TTLL5: variants seen among roughly 807,000 people sequenced by gnomAD.
TTLL5 encodes the protein tubulin tyrosine ligase like 5, also known as tubulin polyglutamylase TTLL5.
In TTLL5, 132 loss-of-function variants were observed where a neutral mutation model predicts 168.4. That is an observed-to-expected ratio of 0.78 (90% CI 0.68 to 0.91). The LOEUF (loss-of-function observed/expected upper bound fraction) is 0.91, where lower values mean the gene tolerates loss of function less well. Among genes scored for constraint, TTLL5 ranks in the 40% least tolerant of loss-of-function variants. TTLL5 has a pLI of 0.00. For missense variants in TTLL5, 1,545 were observed against 1,581.5 expected (o/e 0.98, Z 0.39); for synonymous variants, 546 against 558.6 (o/e 0.98, Z 0.32).
At chr14:75,904,492 G>A (rs2033063901) in intron 31 of TTLL5, among the ~76,000 whole-genome samples, 1 of 152,142 alleles carries the variant, frequency 6.6e-6, no homozygotes. Flanking sequence ...ATGCACTCCA[G>A]CTGAGCCAGT....
rs1472790900 is a variant in TTLL5 at position 75,679,073 on chromosome 14, T to TCTA, written c.182-2471_182-2470insTAC. On this transcript the variant is annotated intron_variant, in intron 3 of 31. Coordinates refer to ENST00000298832, the MANE Select transcript of TTLL5 (RefSeq NM_015072.5). Reference sequence around the variant, plus strand: ...TCTTGTGTGGTAGGCAGAATAATGGTCCCTTAAAGATGTCTACCTTCTAAT... The same window carrying TCTA: ...TCTTGTGTGGTAGGCAGAATAATGGTCTACCCTTAAAGATGTCTACCTTCTAAT... Among the ~76,000 whole-genome samples the TCTA allele has an allele frequency of 2.0e-5, 3 of 152,204 alleles. No individual in the cohort carries two copies. The East Asian group carries it at 5.8e-4, about 29-fold the overall frequency.
Position 75,733,998 on chromosome 14 carries a change from T to C in TTLL5, c.1134T>C (p.Pro378=), listed in dbSNP as rs778185382. 1 of 1,614,062 alleles carries C rather than the reference T, an allele frequency of 6.2e-7. No individual in the cohort carries two copies. The highest frequency in any genetic ancestry group is 8.5e-7 in the Non-Finnish European group (1 of 1,179,928). Reference sequence around the variant, plus strand: ...TTCTCTGTTCTGTTAGTGATGCGCCTCTGGACCTAAAGATTAAAGCCAGTA... The same window carrying C: ...TTCTCTGTTCTGTTAGTGATGCGCCCCTGGACCTAAAGATTAAAGCCAGTA... ...NLSPSLACDA[P]LDLKIKASMI... is the part of the protein sequence containing the mutation. The change falls in exon 14 of 32, where the codon CCT becomes CCC. Residue 378 remains proline, a synonymous_variant. Transcript: ENST00000298832.
intron 31 of TTLL5, chr14:75,902,685 G>A (rs1028170416): frequency 8.8e-6 from 4 of 452,594 alleles, no homozygotes; most frequent in African/African-American, 8.0e-5. Context: ...TCTACGTGTT[G>A]TGCTAATGCC....
At chr14:75,774,846 G>A (rs1566598711) in intron 21 of TTLL5, among the ~76,000 whole-genome samples, 1 of 151,888 alleles carries the variant, frequency 6.6e-6, no homozygotes, top group African/African-American at 2.4e-5. Flanking sequence ...GTGCCACCAC[G>A]TCAGGCTAAT....
At position 75,686,864 on chromosome 14, in the gene TTLL5, A is replaced by G. The variant is rs551885556; in HGVS notation, c.371+3208A>G. Among the ~76,000 whole-genome samples the G allele has an allele frequency of 9.2e-5, 14 of 152,268 alleles. No homozygotes were observed. In the South Asian group the frequency reaches 2.7e-3, roughly 29 times the overall value. ...TGAGTAATCCAGATGATTTTATGCTATTAGAGAATCATGATTCCATTAAAG... is the reference window on the plus strand; with the variant it reads ...TGAGTAATCCAGATGATTTTATGCTGTTAGAGAATCATGATTCCATTAAAG... On this transcript the variant is annotated intron_variant, in intron 5 of 31. Transcript: ENST00000298832.
chr14:75,820,157 A>T lies in TTLL5; in HGVS notation c.3322A>T (p.Ser1108Cys), dbSNP rs912495117. ...CGAGAATCACTCCAGCTCTCCTGGA[A>T]GCAGGTATGTGAAGGGCCCTGCAAC... is the stretch of plus-strand genomic sequence containing the variant. ...APENHSSSPGSRSLQTGGFAW... is the reference protein window; with the variant it reads ...APENHSSSPGCRSLQTGGFAW... Residue 1108 changes from serine (S) to cysteine (C), a missense_variant, in exon 28 of 32, where the codon AGC (serine) becomes TGC (cysteine). Transcript: ENST00000298832. The T allele has an allele frequency of 1.3e-6, 2 of 1,587,024 alleles. No individual in the cohort carries two copies. The highest frequency in any genetic ancestry group is 1.7e-6 in the Non-Finnish European group (2 of 1,168,592).
rs3138589 is a variant in TTLL5, at chr14:75,869,013, A to AGTGTGTGTGTGTGTGT, written c.3522+5186_3522+5201dup. Among the ~76,000 whole-genome samples the AGTGTGTGTGTGTGTGT allele has an allele frequency of 3.6e-3, 442 of 124,494 alleles. 7 individuals are homozygous for AGTGTGTGTGTGTGTGT. The highest frequency in any genetic ancestry group is 0.011 in the African/African-American group (362 of 32,716). 81.7% of individuals were successfully genotyped at this position (124,494 alleles called of 152,430 possible). A position where few individuals can be genotyped will look rare whatever the true frequency, so the allele number is the denominator to read the frequency against. ...TGGACTGGGGACATGAGAGGGGAGG[A>AGTGTGTGTGTGTGTGT]GTGTGTGTGTGTGTGTGTGTGTGTG... On this transcript the variant is annotated intron_variant, in intron 29 of 31. Coordinates refer to ENST00000298832, the MANE Select transcript of TTLL5 (RefSeq NM_015072.5).
intron 31 of TTLL5, among the ~76,000 whole-genome samples, chr14:75,923,692 A>G (rs1330973657): frequency 6.6e-6 from 1 of 152,178 alleles, no homozygotes; most frequent in Non-Finnish European, 1.5e-5. Context: ...TTCTGTTGAT[A>G]TGGGATGGAG....
intron 31 of TTLL5, 114 bp from the exon 32 acceptor site, chr14:75,954,310 G>T: frequency 9.6e-7 from 1 of 1,046,332 alleles, no homozygotes; most frequent in South Asian, 1.4e-5. Flanking sequence ...TCATTTATTT[G>T]GGCCACCACT....
chr14:75,939,439 G>T (rs936359130), intron 31 of TTLL5, among the ~76,000 whole-genome samples: 2 of 152,182 alleles, frequency 1.3e-5, no homozygotes, highest in Non-Finnish European at 2.9e-5. Flanking sequence ...AGGCTGGAGT[G>T]CAGTGGCATG....
chr14:75,852,965 T>G (rs1286448984), intron 28 of TTLL5, among the ~76,000 whole-genome samples: 1 of 152,256 alleles, frequency 6.6e-6, no homozygotes, highest in Non-Finnish European at 1.5e-5. Context: ...GCAATTCAGC[T>G]TTTCTTTTTT....
intron 5 of TTLL5, among the ~76,000 whole-genome samples, chr14:75,687,737 A>T (rs1413422014): frequency 6.6e-6 from 1 of 152,226 alleles, no homozygotes; most frequent in Non-Finnish European, 1.5e-5. Context: ...AACCATAAGG[A>T]AACAAACAAC....
At chr14:75,949,514 T>A (rs1484034129) in intron 31 of TTLL5, among the ~76,000 whole-genome samples, 1 of 150,116 alleles carries the variant, frequency 6.7e-6, no homozygotes, top group Non-Finnish European at 1.5e-5. Context: ...CAAGAGATGC[T>A]TTAAGAAATT....
At chr14:75,939,714 A>C (rs543291475) in intron 31 of TTLL5, among the ~76,000 whole-genome samples, 2 of 152,226 alleles carry the variant, frequency 1.3e-5, no homozygotes, top group Admixed American at 1.3e-4. Context: ...CACCTTCTTT[A>C]GGTAACTGAA....
intron 12 of TTLL5, among the ~76,000 whole-genome samples, chr14:75,724,230 C>A (rs2140213888): frequency 6.6e-6 from 1 of 152,266 alleles, no homozygotes; most frequent in East Asian, 1.9e-4. Flanking sequence ...CCTATGATTT[C>A]TTTCCCATCC....
chr14:75,689,935 CA>C (rs1885328077), intron 5 of TTLL5: 1 of 355,448 alleles, frequency 2.8e-6, no homozygotes, highest in Admixed American at 5.3e-5. Context: ...TGTGTTTGTC[CA>C]AACTCATAGA....
rs1424476437 is a variant in TTLL5 at position 75,745,078 on chromosome 14, C to CAA, written c.1282-16_1282-15insAA. On this transcript the variant is annotated splice_polypyrimidine_tract_variant and intron_variant, in intron 15 of 31. Coordinates refer to ENST00000298832, the MANE Select transcript of TTLL5 (RefSeq NM_015072.5). ...CTTAAAAAATTTTTTTTACTATTTT[C>CAA]ATTTTCTTCTCCTTAGCGTTGCCGT... The CAA allele has an allele frequency of 1.2e-6, 2 of 1,608,566 alleles. No individual in the cohort carries two copies. Among genetic ancestry groups the CAA allele is most frequent in the African/African-American group, 2.7e-5 (2 of 74,538 alleles).
In TTLL5 at chr14:75,783,272, C is replaced by T. The variant is rs1182818929; in HGVS notation, c.2728C>T (p.Pro910Ser). ...ATCTGTTACAACCTCTGACCTCTCT[C>T]CAGGGCCTTGCCACCATTCTTCTTT... ...LSSVTTSDLSPGPCHHSSLSQ... is the reference protein window; with the variant it reads ...LSSVTTSDLSSGPCHHSSLSQ... The change falls in exon 26 of 32, where the codon CCA (proline) becomes TCA (serine). Residue 910 changes from proline to serine, a missense_variant. Physicochemically the swap from Pro to Ser is moderately conservative, Grantham distance 74. Transcript: ENST00000298832. The T allele has an allele frequency of 1.9e-6, 3 of 1,614,220 alleles. No homozygotes were observed. The highest frequency in any genetic ancestry group is 3.3e-5 in the Admixed American group (2 of 60,026).
chr14:75,786,016 G>A (rs1016049094), intron 26 of TTLL5, among the ~76,000 whole-genome samples: 7 of 152,176 alleles, frequency 4.6e-5, no homozygotes, highest in African/African-American at 1.4e-4. Context: ...GTGAGTTACA[G>A]CTAAGACATG....
Sources: allele counts gnomAD v4.1 joint callset (sites outside exome capture counted in the v4.1 genomes callset), GRCh38; gene constraint gnomAD v4.1.1; transcripts MANE v1.5; gene names NCBI Gene and HGNC (gene_info 2026-07-23, HGNC 2026-07-21).